The following ABCA13 variants were observed in gnomAD, a reference collection of about 807,000 sequenced individuals.
ABCA13 encodes ATP binding cassette subfamily A member 13, also known as ATP-binding cassette sub-family A member 13.
In ABCA13, 476 loss-of-function variants were observed where a neutral mutation model predicts 478.7. That is an observed-to-expected ratio of 0.99 (90% CI 0.92 to 1.07). ABCA13 has a LOEUF of 1.07. ABCA13 is among the 50% of genes least tolerant of loss of function. ABCA13 has a pLI of 0.00. For missense variants in ABCA13, 6,060 were observed against 5,910.6 expected, an observed-to-expected ratio of 1.03 and a Z score of -0.83; for synonymous variants, 2,252 against 2,158.9, an observed-to-expected ratio of 1.04 and a Z score of -1.20.
intron 38 of ABCA13, among the ~76,000 whole-genome samples, chr7:48,400,308 A>G (rs550201987): frequency 3.3e-5 from 5 of 152,340 alleles, no homozygotes; most frequent in African/African-American, 1.2e-4. Context: ...CAGGCATTGT[A>G]GGGGTTCAGT....
intron 59 of ABCA13, among the ~76,000 whole-genome samples, chr7:48,621,337 T>C (rs1049198862): frequency 2.0e-5 from 3 of 152,214 alleles, no homozygotes; most frequent in African/African-American, 7.2e-5. Context: ...TCGTTCCAAT[T>C]CAGTGTTCTG....
intron 42 of ABCA13, among the ~76,000 whole-genome samples, chr7:48,435,818 A>G (rs1218401437): frequency 6.6e-6 from 1 of 151,428 alleles, no homozygotes; most frequent in Non-Finnish European, 1.5e-5. Context: ...TATTAACTTG[A>G]CTTTTTTTTG....
intron 59 of ABCA13, among the ~76,000 whole-genome samples, chr7:48,638,670 A>C (rs1424340054): frequency 6.6e-6 from 1 of 152,178 alleles, no homozygotes; most frequent in African/African-American, 2.4e-5. Context: ...CTTGCAGTGA[A>C]GGGACATGGT....
chr7:48,510,829 T>C (rs1447544587), intron 50 of ABCA13, among the ~76,000 whole-genome samples: 2 of 151,902 alleles, frequency 1.3e-5, no homozygotes, highest in Non-Finnish European at 2.9e-5. Context: ...TTTACCTTAA[T>C]CACTTGTTCA....
At chr7:48,195,692 C>T (rs1329393475) in intron 2 of ABCA13, among the ~76,000 whole-genome samples, 4 of 152,016 alleles carry the variant, frequency 2.6e-5, no homozygotes, top group Non-Finnish European at 4.4e-5. Context: ...GATGAGGACA[C>T]CTAAGAAGGA....
chr7:48,361,709 C>G (rs181297766), intron 31 of ABCA13, among the ~76,000 whole-genome samples: 1 of 151,552 alleles, frequency 6.6e-6, no homozygotes, highest in East Asian at 1.9e-4. Flanking sequence ...CCTTATATCC[C>G]ATAGATCTCA....
At position 48,528,180 on chromosome 7, in the gene ABCA13, C is replaced by T. The variant is rs530811453; in HGVS notation, c.14245-56C>T. ...TAATTTTGATTTTATTTAACTTGTT[C>T]TATTTATTTAGCTTGTTTGATTGAA... is the stretch of plus-strand genomic sequence containing the variant. On this transcript the variant is annotated intron_variant, in intron 54 of 61. Coordinates refer to ENST00000435803, the MANE Select transcript of ABCA13 (RefSeq NM_152701.5). 41 of 1,380,570 alleles carry T rather than the reference C, an allele frequency of 3.0e-5. 1 individual carries two copies. In the South Asian group the frequency reaches 5.1e-4, roughly 17 times the overall value. 85.5% of individuals were successfully genotyped at this position (1,380,570 alleles called of 1,614,324 possible). A position where few individuals can be genotyped will look rare whatever the true frequency, so the allele number is the denominator to read the frequency against.
At chr7:48,452,938 T>C (rs1415918099) in intron 42 of ABCA13, among the ~76,000 whole-genome samples, 1 of 152,190 alleles carries the variant, frequency 6.6e-6, no homozygotes, top group East Asian at 1.9e-4. Context: ...TTAATAGAAT[T>C]GGTGTTATCC....
At chr7:48,232,798 C>T (rs545467216) in intron 7 of ABCA13, among the ~76,000 whole-genome samples, 1 of 152,312 alleles carries the variant, frequency 6.6e-6, no homozygotes, top group South Asian at 2.1e-4. Flanking sequence ...AATTCTAATA[C>T]CTTCTGAGAC....
intron 27 of ABCA13, among the ~76,000 whole-genome samples, chr7:48,317,815 G>A (rs1292834404): frequency 6.6e-6 from 1 of 152,210 alleles, no homozygotes; most frequent in Non-Finnish European, 1.5e-5. Flanking sequence ...GTGTATCCAG[G>A]AGGAATTGAG....
intron 3 of ABCA13, among the ~76,000 whole-genome samples, chr7:48,200,573 C>T (rs759530502): frequency 2.6e-5 from 4 of 151,892 alleles, no homozygotes; most frequent in Admixed American, 6.6e-5. Flanking sequence ...ACTTTGAGAA[C>T]GAAGAATGAA....
rs754164235 is a variant in ABCA13 at position 48,239,220 on chromosome 7, A to AT, written c.898-15dup. The AT allele has an allele frequency of 1.5e-5, 24 of 1,612,976 alleles. No homozygotes were observed. The African/African-American group carries it at 2.9e-4, about 20-fold the overall frequency. ...TAGGAAAGGAGCTTTATGTCTAAATATTTTTTCATATTGTTGTCAGATTCC... is the reference window on the plus strand; with the variant it reads ...TAGGAAAGGAGCTTTATGTCTAAATATTTTTTTCATATTGTTGTCAGATTCC... On this transcript the variant is annotated intron_variant, in intron 8 of 61. Coordinates refer to ENST00000435803, the MANE Select transcript of ABCA13 (RefSeq NM_152701.5).
rs763227761 is a variant in ABCA13, at chr7:48,273,107, C to T, written c.3441C>T (p.Thr1147=). 3.3e-5 allele frequency: 54 copies of T among 1,613,592 alleles called. No homozygotes were observed. In the South Asian group the frequency reaches 3.5e-4, roughly 11 times the overall value. Residue 1147 remains threonine (T), a synonymous_variant, in exon 17 of 62, where the codon ACC becomes ACT. Transcript: ENST00000435803. The part of the protein sequence containing the change: ...VFNKFMSIHC[T]VSWLQMWTEI... ...ACAAGTTTATGTCCATTCACTGTAC[C>T]GTTTCATGGCTTCAAATGTGGACTG...
intron 57 of ABCA13, 79 bp from the exon 58 acceptor site, chr7:48,594,631 G>T: frequency 7.4e-7 from 1 of 1,346,986 alleles, no homozygotes. Flanking sequence ...TTCACCTGGG[G>T]TCTGGCCTCC....
chr7:48,588,949 A>G (rs1789469791), intron 57 of ABCA13, among the ~76,000 whole-genome samples: 1 of 152,200 alleles, frequency 6.6e-6, no homozygotes, highest in African/African-American at 2.4e-5. Context: ...ACTTATTTTT[A>G]TAACTAATAC....
At chr7:48,184,143 T>C (rs763220765) in intron 1 of ABCA13, among the ~76,000 whole-genome samples, 1 of 152,118 alleles carries the variant, frequency 6.6e-6, no homozygotes, top group Non-Finnish European at 1.5e-5. Flanking sequence ...CCCGAATTGG[T>C]GGGTGTAAAA....
chr7:48,629,250 G>A (rs1793942509), intron 59 of ABCA13, among the ~76,000 whole-genome samples: 1 of 152,150 alleles, frequency 6.6e-6, no homozygotes, highest in Non-Finnish European at 1.5e-5. Flanking sequence ...ATTGCAGACA[G>A]CAAAAATATG....
At chr7:48,175,642 A>G (rs1794744144) in intron 1 of ABCA13, among the ~76,000 whole-genome samples, 1 of 152,160 alleles carries the variant, frequency 6.6e-6, no homozygotes, top group African/African-American at 2.4e-5. Flanking sequence ...GCTTGCCTAG[A>G]ACTCCTGACC....
chr7:48,414,913 C>T (rs1247194561), intron 41 of ABCA13, among the ~76,000 whole-genome samples: 2 of 152,146 alleles, frequency 1.3e-5, no homozygotes, highest in Non-Finnish European at 2.9e-5. Context: ...TGAGACGTTG[C>T]TGCCGTAGCT....
Sources: gnomAD v4.1 joint callset for allele counts (sites outside exome capture counted in the v4.1 genomes callset) on GRCh38, gnomAD v4.1.1 for gene constraint, MANE v1.5 for transcripts, NCBI Gene and HGNC (gene_info 2026-07-23, HGNC 2026-07-21) for gene names.